The following ATRNL1 variants were observed in gnomAD, a reference collection of about 807,000 sequenced individuals.
The protein encoded by ATRNL1 is attractin-like protein 1.
A neutral mutation model predicts 182.7 loss-of-function variants in ATRNL1; 95 were observed. The ratio of observed to expected loss-of-function variants is 0.52; its 90% CI spans 0.44 to 0.62. The LOEUF is 0.62. ATRNL1 is among the 20% of genes least tolerant of loss of function. ATRNL1 has a pLI of 0.00. For synonymous variants in ATRNL1, 576 were observed against 568.3 expected (o/e 1.01, Z -0.19); for missense variants, 1,471 against 1,679.5 (o/e 0.88, Z 2.17).
chr10:115,584,428 G>T (rs1555009107), intron 26 of ATRNL1, among the ~76,000 whole-genome samples: 1 of 140,958 alleles, frequency 7.1e-6, no homozygotes. Context: ...AATTTCAGAT[G>T]GTGTTATTGG....
At chr10:115,581,467 T>G (rs1318741121) in intron 26 of ATRNL1, among the ~76,000 whole-genome samples, 1 of 152,142 alleles carries the variant, frequency 6.6e-6, no homozygotes, top group Non-Finnish European at 1.5e-5. Flanking sequence ...CTACACACTC[T>G]GATCTAGATG....
chr10:115,579,991 C>T (rs1854970279), intron 26 of ATRNL1, among the ~76,000 whole-genome samples: 1 of 152,018 alleles, frequency 6.6e-6, no homozygotes, highest in Admixed American at 6.6e-5. Flanking sequence ...GAATTCACTG[C>T]TTTTACCTTT....
chr10:115,750,416 A>G lies in ATRNL1; in HGVS notation c.3903+23061A>G, dbSNP rs550992735. 3.3e-5 allele frequency among the ~76,000 whole-genome samples: 5 copies of G among 152,034 alleles called. No individual in the cohort carries two copies. The East Asian group carries it at 9.7e-4, about 29-fold the overall frequency. On this transcript the variant is annotated intron_variant, in intron 27 of 28. Coordinates refer to ENST00000355044, the MANE Select transcript of ATRNL1 (RefSeq NM_207303.4). ...GTGGTATTGGGATAGATGAACAGCTATATGGGAAAAGAGAAAACTGAATCT... is the reference window on the plus strand; with the variant it reads ...GTGGTATTGGGATAGATGAACAGCTGTATGGGAAAAGAGAAAACTGAATCT...
At chr10:115,820,750 T>C (rs184688343) in intron 27 of ATRNL1, among the ~76,000 whole-genome samples, 3 of 152,230 alleles carry the variant, frequency 2.0e-5, no homozygotes, top group Admixed American at 2.0e-4. Context: ...GACTTGGCTC[T>C]ATCAAAGACT....
At chr10:115,873,914 G>A (rs1951641039) in intron 28 of ATRNL1, among the ~76,000 whole-genome samples, 1 of 152,154 alleles carries the variant, frequency 6.6e-6, no homozygotes, top group Non-Finnish European at 1.5e-5. Flanking sequence ...ATCAGTTAAA[G>A]GTGTTGATCC....
At chr10:115,736,693 T>C (rs1947960930) in intron 27 of ATRNL1, among the ~76,000 whole-genome samples, 1 of 152,160 alleles carries the variant, frequency 6.6e-6, no homozygotes, top group South Asian at 2.1e-4. Flanking sequence ...ACCAAGGGCC[T>C]CTCTTTATTC....
chr10:115,362,733 A>G (rs1554944607), intron 19 of ATRNL1, among the ~76,000 whole-genome samples: 1 of 151,570 alleles, frequency 6.6e-6, no homozygotes, highest in Non-Finnish European at 1.5e-5. Context: ...ATGTGATCTC[A>G]TTGTTCAATT....
At chr10:115,904,467 C>A (rs1008718815) in intron 28 of ATRNL1, among the ~76,000 whole-genome samples, 5 of 152,232 alleles carry the variant, frequency 3.3e-5, no homozygotes, top group Admixed American at 6.5e-5. Context: ...CCAGGGCCAA[C>A]TAATGCTGCT....
chr10:115,658,122 G>A (rs1195982572), intron 26 of ATRNL1, among the ~76,000 whole-genome samples: 1 of 108,498 alleles, frequency 9.2e-6, no homozygotes, highest in Non-Finnish European at 1.7e-5. Flanking sequence ...TTGAGATGGA[G>A]TCTCGCTCTG....
chr10:115,547,290 A>T (rs1266478504), intron 25 of ATRNL1, among the ~76,000 whole-genome samples: 3 of 149,676 alleles, frequency 2.0e-5, no homozygotes, highest in Non-Finnish European at 4.4e-5. Context: ...ATAAATATAT[A>T]TTTTCAAAAT....
intron 21 of ATRNL1, among the ~76,000 whole-genome samples, chr10:115,459,409 A>C (rs1554969291): frequency 6.6e-6 from 1 of 152,174 alleles, no homozygotes; most frequent in Admixed American, 6.6e-5. Context: ...GTCCCTGAGA[A>C]AGAGAATGCG....
chr10:115,495,763 A>G (rs1001916950), intron 24 of ATRNL1, among the ~76,000 whole-genome samples: 2 of 151,760 alleles, frequency 1.3e-5, no homozygotes, highest in African/African-American at 4.8e-5. Flanking sequence ...ATATCAGAGT[A>G]TGTGCTATTT....
At chr10:115,770,379 A>C (rs1434817340) in intron 27 of ATRNL1, among the ~76,000 whole-genome samples, 1 of 152,168 alleles carries the variant, frequency 6.6e-6, no homozygotes, top group African/African-American at 2.4e-5. Flanking sequence ...AAATGTAATC[A>C]GTGATACAGA....
In ATRNL1 at chr10:115,944,692, A is replaced by G. The variant is rs782599495; in HGVS notation, c.4053A>G (p.Ser1351=). The change falls in exon 29 of 29, where the codon TCA becomes TCG. Residue 1351 remains serine, a synonymous_variant. Coordinates refer to ENST00000355044, the MANE Select transcript of ATRNL1 (RefSeq NM_207303.4). ...TTGCCAGTGCCCTAATAGATATTTCACAACAGAAAGCTTCAGATAGTAAAG... is the reference window on the plus strand; with the variant it reads ...TTGCCAGTGCCCTAATAGATATTTCGCAACAGAAAGCTTCAGATAGTAAAG... The part of the protein sequence containing the change: ...LAIASALIDI[S]QQKASDSKDK... 2 of 1,613,490 alleles carry G rather than the reference A, an allele frequency of 1.2e-6. No individual in the cohort carries two copies. Among genetic ancestry groups the G allele is most frequent in the Non-Finnish European group, 1.7e-6 (2 of 1,179,576 alleles).
chr10:115,262,270 C>T (rs1554909027), intron 10 of ATRNL1, among the ~76,000 whole-genome samples: 1 of 149,642 alleles, frequency 6.7e-6, no homozygotes, highest in African/African-American at 2.5e-5. Flanking sequence ...CAAAGTATAA[C>T]AGTACAGAAA....
chr10:115,419,944 C>T (rs1195040760), intron 20 of ATRNL1, among the ~76,000 whole-genome samples: 4 of 151,930 alleles, frequency 2.6e-5, no homozygotes, highest in Admixed American at 6.6e-5. Context: ...ACAGAGCATT[C>T]GGTCTAACAG....
chr10:115,751,771 A>G (rs571610562), intron 27 of ATRNL1, among the ~76,000 whole-genome samples: 1 of 152,110 alleles, frequency 6.6e-6, no homozygotes, highest in Non-Finnish European at 1.5e-5. Context: ...TGGCAAGTTG[A>G]AAACAAATGT....
At chr10:115,487,068 T>C (rs1040925411) in intron 24 of ATRNL1, among the ~76,000 whole-genome samples, 2 of 152,168 alleles carry the variant, frequency 1.3e-5, no homozygotes, top group East Asian at 1.9e-4. Flanking sequence ...GTATTATTTC[T>C]GAGTCTTCTG....
chr10:115,307,712 T>C (rs900019427), intron 17 of ATRNL1, among the ~76,000 whole-genome samples: 2 of 152,130 alleles, frequency 1.3e-5, no homozygotes, highest in African/African-American at 4.8e-5. Flanking sequence ...TTATGTTTAA[T>C]TTTTCCCGTG....
Sources: gnomAD v4.1 joint callset for allele counts (sites outside exome capture counted in the v4.1 genomes callset) on GRCh38, gnomAD v4.1.1 for gene constraint, MANE v1.5 for transcripts, NCBI Gene and HGNC (gene_info 2026-07-23, HGNC 2026-07-21) for gene names.